Variants in FILIP1L observed in about 807,000 individuals in gnomAD.
The protein encoded by FILIP1L is filamin A-interacting protein 1-like.
A neutral mutation model predicts 96.6 loss-of-function variants in FILIP1L; 55 were observed. The observed-to-expected ratio is 0.57, with a 90% CI of 0.46 to 0.71. The LOEUF is 0.71. FILIP1L is among the 30% of genes least tolerant of loss of function. FILIP1L has a pLI of 0.00. For synonymous variants in FILIP1L, 467 were observed against 473.9 expected, an observed-to-expected ratio of 0.99 and a Z score of 0.19; for missense variants, 1,304 against 1,321.2, an observed-to-expected ratio of 0.99 and a Z score of 0.20.
intron 1 of FILIP1L, among the ~76,000 whole-genome samples, chr3:99,939,853 G>C (rs1350020092): frequency 6.6e-6 from 1 of 152,118 alleles, no homozygotes; most frequent in Non-Finnish European, 1.5e-5. Flanking sequence ...ACAAACAGTG[G>C]ACCACAGATA....
rs1056674455 is a variant in FILIP1L at position 99,830,432 on chromosome 3, G to A, written c.3555C>T (p.His1185=). ...GTATGAGTTACCTTCTCCCTCCCAC[G>A]TGGAGGAAGGTGTTGGAGGTGACAG... is the stretch of plus-strand genomic sequence containing the variant. ...VRTVTSNTFL[H]VGGRR The change falls in exon 6 of 6, where the codon CAC becomes CAT. Residue 1185 remains histidine, a synonymous_variant. Coordinates refer to ENST00000477258, the MANE Select transcript of FILIP1L (RefSeq NM_001387850.1). 4.4e-6 allele frequency: 2 copies of A among 450,740 alleles called. No homozygotes were observed. Among genetic ancestry groups the A allele is most frequent in the Non-Finnish European group, 9.0e-6 (2 of 222,964 alleles). 27.9% of individuals were successfully genotyped at this position (450,740 alleles called of 1,614,324 possible). A position where few individuals can be genotyped will look rare whatever the true frequency, so the allele number is the denominator to read the frequency against.
intron 1 of FILIP1L, among the ~76,000 whole-genome samples, chr3:99,991,994 GTA>G (rs1161596187): frequency 3.6e-4 from 52 of 145,386 alleles, no homozygotes; most frequent in African/African-American, 1.1e-3. Flanking sequence ...GTATATATAC[GTA>G]TATATATGTG....
At chr3:100,036,191 C>T (rs1190497648) in intron 1 of FILIP1L, among the ~76,000 whole-genome samples, 1 of 152,156 alleles carries the variant, frequency 6.6e-6, no homozygotes, top group Non-Finnish European at 1.5e-5. Context: ...CTAAAAAGGT[C>T]TAGAATCAAT....
chr3:99,889,089 T>A (rs1706002642), intron 4 of FILIP1L, among the ~76,000 whole-genome samples: 1 of 152,194 alleles, frequency 6.6e-6, no homozygotes, highest in Admixed American at 6.5e-5. Flanking sequence ...TTATGTTTCA[T>A]GAAACTTAAC....
chr3:99,960,158 G>A lies in FILIP1L; in HGVS notation c.-10-29128C>T, dbSNP rs1038719191. On this transcript the variant is annotated intron_variant, in intron 1 of 5. Coordinates refer to ENST00000477258, the MANE Select transcript of FILIP1L (RefSeq NM_001387850.1). ...GGTAGCTCACAACCTGCCAAGTACC[G>A]GAGAGAAGTAGTTCTTTTCTCTCCA... Among the ~76,000 whole-genome samples, 9 of 152,060 alleles carry A rather than the reference G, an allele frequency of 5.9e-5. No homozygotes were observed. The East Asian group carries it at 1.2e-3, about 20-fold the overall frequency.
In FILIP1L at chr3:100,061,153, A is replaced by T. The variant is rs551516862; in HGVS notation, c.-11+52900T>A. ...CTGTTAAAATTTAAAAAAAAAAAAA[A>T]TTTTAAAAGGAAGGAAGGGTACAAT... is the stretch of plus-strand genomic sequence containing the variant. On this transcript the variant is annotated intron_variant, in intron 1 of 5. Coordinates refer to ENST00000477258, the MANE Select transcript of FILIP1L (RefSeq NM_001387850.1). Among the ~76,000 whole-genome samples, 736 of 152,240 alleles carry T rather than the reference A, an allele frequency of 4.8e-3. 2 individuals carry two copies. The highest frequency in any genetic ancestry group is 7.1e-3 in the South Asian group (34 of 4,818).
intron 1 of FILIP1L, among the ~76,000 whole-genome samples, chr3:100,071,673 C>G (rs900608928): frequency 6.6e-6 from 1 of 152,126 alleles, no homozygotes. Flanking sequence ...TTGGTCCATT[C>G]TTAGGTCTTT....
At chr3:99,994,777 G>T (rs1364014785) in intron 1 of FILIP1L, among the ~76,000 whole-genome samples, 1 of 152,168 alleles carries the variant, frequency 6.6e-6, no homozygotes, top group Admixed American at 6.5e-5. Flanking sequence ...GGTGGCAAGA[G>T]AAAATGAGGA....
rs1200513917 is a variant in FILIP1L, at chr3:100,114,455, G to T, written c.-413C>A. 6.5e-6 allele frequency: 1 copy of T among 154,240 alleles called. No individual in the cohort carries two copies. 9.6% of individuals were successfully genotyped at this position (154,240 alleles called of 1,614,324 possible). Reference sequence around the variant, plus strand: ...AAAAGCCAGGAACCATCTGCGCAGAGCAGACAAGTAGAGGCAGGCACAGGC... The same window carrying T: ...AAAAGCCAGGAACCATCTGCGCAGATCAGACAAGTAGAGGCAGGCACAGGC... On this transcript the variant is annotated 5_prime_UTR_variant, in exon 1 of 6. Transcript: ENST00000477258.
chr3:100,021,948 T>A (rs1559728563), intron 1 of FILIP1L, among the ~76,000 whole-genome samples: 2 of 129,566 alleles, frequency 1.5e-5, no homozygotes, highest in African/African-American at 5.7e-5. Flanking sequence ...TGTGTGTGTG[T>A]GTGTGTGTGT....
intron 1 of FILIP1L, among the ~76,000 whole-genome samples, chr3:100,083,249 G>A (rs944317550): frequency 2.0e-5 from 3 of 152,298 alleles, no homozygotes; most frequent in South Asian, 4.1e-4. Flanking sequence ...ACTTTATCTT[G>A]GGCTTGCTTG....
At chr3:99,924,884 G>T (rs1250634522) in intron 3 of FILIP1L, among the ~76,000 whole-genome samples, 1 of 152,164 alleles carries the variant, frequency 6.6e-6, no homozygotes, top group Non-Finnish European at 1.5e-5. Context: ...ACTTTTGGGT[G>T]CATTTCAATA....
chr3:99,843,317 C>G lies in FILIP1L; in HGVS notation c.3381+4978G>C, dbSNP rs1943214955. ...CAAAGATTTAGGCATCTATGCTTTG[C>G]TACAGTTATAAAACCGGGAATCTTC... On this transcript the variant is annotated intron_variant, in intron 5 of 5. Transcript: ENST00000477258. Among the ~76,000 whole-genome samples, 3 of 152,172 alleles carry G rather than the reference C, an allele frequency of 2.0e-5. No individual in the cohort carries two copies. The South Asian group carries it at 6.2e-4, about 32-fold the overall frequency.
At chr3:100,017,755 T>G (rs1453791678) in intron 1 of FILIP1L, among the ~76,000 whole-genome samples, 2 of 151,740 alleles carry the variant, frequency 1.3e-5, no homozygotes, top group Non-Finnish European at 2.9e-5. Context: ...TGAGACACTG[T>G]CTCTAAAAAT....
chr3:100,058,899 T>A (rs2065511222), intron 1 of FILIP1L, among the ~76,000 whole-genome samples: 1 of 152,254 alleles, frequency 6.6e-6, no homozygotes, highest in South Asian at 2.1e-4. Flanking sequence ...TTTCTGATCT[T>A]CTAACTTAAC....
chr3:100,074,675 A>AGTTTTTTTTTT, intron 1 of FILIP1L, among the ~76,000 whole-genome samples: 1 of 34,782 alleles, frequency 2.9e-5, no homozygotes, highest in Non-Finnish European at 4.9e-5. Flanking sequence ...GCAACATTTG[A>AGTTTTTTTTTT]TTTTTTTTTT....
intron 5 of FILIP1L, among the ~76,000 whole-genome samples, chr3:99,843,969 G>A (rs1364149016): frequency 6.6e-6 from 1 of 152,158 alleles, no homozygotes; most frequent in Non-Finnish European, 1.5e-5. Flanking sequence ...TGAGTGGACA[G>A]TTTCATCCTG....
chr3:100,046,464 G>A (rs1230637499), intron 1 of FILIP1L, among the ~76,000 whole-genome samples: 1 of 151,726 alleles, frequency 6.6e-6, no homozygotes, highest in Non-Finnish European at 1.5e-5. Context: ...TAGCCTAACT[G>A]GTAGATCATA....
At chr3:99,963,099 G>A (rs187612535) in intron 1 of FILIP1L, among the ~76,000 whole-genome samples, 112 of 152,336 alleles carry the variant, frequency 7.4e-4, no homozygotes, top group Middle Eastern at 3.4e-3. Flanking sequence ...AGAGGGTTTA[G>A]CCTGCCTACA....
Sources: gnomAD v4.1 joint callset for allele counts (sites outside exome capture counted in the v4.1 genomes callset) on GRCh38, gnomAD v4.1.1 for gene constraint, MANE v1.5 for transcripts, NCBI Gene and HGNC (gene_info 2026-07-23, HGNC 2026-07-21) for gene names.